Variants in ST6GALNAC3 observed in about 807,000 individuals in gnomAD.
ST6GALNAC3 encodes ST6 N-acetylgalactosaminide alpha-2,6-sialyltransferase 3.
A neutral mutation model predicts 32.7 loss-of-function variants in ST6GALNAC3; 25 were observed. The observed-to-expected ratio is 0.76, with a 90% CI of 0.56 to 1.07. The LOEUF is 1.07. Among genes scored for constraint, ST6GALNAC3 ranks in the 50% least tolerant of loss-of-function variants. The probability of loss-of-function intolerance (pLI) is 0.00; values close to 1 mark genes in which losing one functional copy is unlikely to be tolerated. For synonymous variants in ST6GALNAC3, 129 were observed against 133.1 expected, an observed-to-expected ratio of 0.97 and a Z score of 0.21; for missense variants, 355 against 382.4, an observed-to-expected ratio of 0.93 and a Z score of 0.60.
intron 2 of ST6GALNAC3, among the ~76,000 whole-genome samples, chr1:76,396,323 G>C (rs1157952160): frequency 6.6e-6 from 1 of 152,078 alleles, no homozygotes; most frequent in Admixed American, 6.5e-5. Flanking sequence ...AAATTATCCA[G>C]GCATGGTGGC....
At chr1:76,288,166 T>C (rs572187444) in intron 1 of ST6GALNAC3, among the ~76,000 whole-genome samples, 7 of 152,360 alleles carry the variant, frequency 4.6e-5, no homozygotes, top group Non-Finnish European at 7.3e-5. Context: ...GGTATGACTG[T>C]TGTCTAGAAG....
intron 3 of ST6GALNAC3, among the ~76,000 whole-genome samples, chr1:76,538,935 T>C (rs1344879862): frequency 6.6e-6 from 1 of 152,142 alleles, no homozygotes; most frequent in Non-Finnish European, 1.5e-5. Context: ...AAAAAGGCCA[T>C]ACTGCCCAAA....
At chr1:76,492,564 G>A (rs1440105289) in intron 3 of ST6GALNAC3, among the ~76,000 whole-genome samples, 3 of 152,060 alleles carry the variant, frequency 2.0e-5, no homozygotes, top group African/African-American at 7.2e-5. Context: ...GCCATAGAAA[G>A]TGTCTTGGGA....
At chr1:76,279,662 C>T (rs984572273) in intron 1 of ST6GALNAC3, among the ~76,000 whole-genome samples, 2 of 152,108 alleles carry the variant, frequency 1.3e-5, no homozygotes, top group Non-Finnish European at 2.9e-5. Flanking sequence ...CGGCAGCTGC[C>T]GGAGGCGGAA....
At chr1:76,477,015 C>T (rs1226613823) in intron 3 of ST6GALNAC3, among the ~76,000 whole-genome samples, 3 of 152,140 alleles carry the variant, frequency 2.0e-5, no homozygotes, top group African/African-American at 7.2e-5. Flanking sequence ...CCAGGTTAGT[C>T]TTGTCTCTCT....
chr1:76,462,633 A>C (rs1038333557), intron 3 of ST6GALNAC3, among the ~76,000 whole-genome samples: 3 of 152,200 alleles, frequency 2.0e-5, no homozygotes, highest in Non-Finnish European at 4.4e-5. Context: ...TAGAGGACAT[A>C]TATGTATCAC....
intron 1 of ST6GALNAC3, among the ~76,000 whole-genome samples, chr1:76,200,734 T>C (rs1241002566): frequency 6.6e-6 from 1 of 152,184 alleles, no homozygotes; most frequent in African/African-American, 2.4e-5. Context: ...AACTATTTAA[T>C]AGACTCTTAA....
chr1:76,275,065 G>T (rs1172171742), intron 1 of ST6GALNAC3, among the ~76,000 whole-genome samples: 1 of 152,222 alleles, frequency 6.6e-6, no homozygotes, highest in Admixed American at 6.5e-5. Context: ...TGTTTTCCAA[G>T]ATGTGTTAAG....
At chr1:76,604,377 T>G (rs1647389595) in intron 3 of ST6GALNAC3, among the ~76,000 whole-genome samples, 1 of 152,178 alleles carries the variant, frequency 6.6e-6, no homozygotes, top group Non-Finnish European at 1.5e-5. Context: ...ATCTTGAAAA[T>G]TCAAATATTA....
chr1:76,133,113 T>C (rs1649719796), intron 1 of ST6GALNAC3, among the ~76,000 whole-genome samples: 1 of 152,174 alleles, frequency 6.6e-6, no homozygotes, highest in South Asian at 2.1e-4. Flanking sequence ...AACTACATCT[T>C]TCTGCTGGAG....
At position 76,634,128 on chromosome 1, in the gene ST6GALNAC3, A is replaced by T; in HGVS notation, c.*5322A>T. 1.0e-6 allele frequency: 1 copy of T among 984,578 alleles called. No homozygotes were observed. Among genetic ancestry groups the T allele is most frequent in the Non-Finnish European group, 1.2e-6 (1 of 829,516 alleles). 61.0% of individuals were successfully genotyped at this position (984,578 alleles called of 1,614,324 possible). On this transcript the variant is annotated 3_prime_UTR_variant, in exon 5 of 5. Coordinates refer to ENST00000328299, the MANE Select transcript of ST6GALNAC3 (RefSeq NM_152996.4). ...TAGAAAACCTCTTCTTTCTCCACAG[A>T]TACATCTCTTTTTGTTCACGCCTTG...
intron 1 of ST6GALNAC3, among the ~76,000 whole-genome samples, chr1:76,162,394 A>G (rs113564275): frequency 3.9e-5 from 6 of 152,288 alleles, no homozygotes; most frequent in African/African-American, 1.4e-4. Flanking sequence ...TTTGTTTATG[A>G]GCAGAAGGAA....
chr1:76,474,159 C>A (rs1052125578), intron 3 of ST6GALNAC3, among the ~76,000 whole-genome samples: 1 of 152,100 alleles, frequency 6.6e-6, no homozygotes. Flanking sequence ...CATAGAGCCT[C>A]CCCACAATGC....
chr1:76,337,611 G>A (rs1647608883), intron 2 of ST6GALNAC3, among the ~76,000 whole-genome samples: 1 of 152,052 alleles, frequency 6.6e-6, no homozygotes, highest in African/African-American at 2.4e-5. Context: ...CGATCTCCTG[G>A]GTGCTAGTTA....
intron 3 of ST6GALNAC3, among the ~76,000 whole-genome samples, chr1:76,470,631 C>T (rs1477865925): frequency 1.3e-5 from 2 of 151,994 alleles, no homozygotes; most frequent in Non-Finnish European, 2.9e-5. Context: ...TCATGGTTCC[C>T]CAAATCCAAT....
chr1:76,172,484 C>G (rs1034942178), intron 1 of ST6GALNAC3, among the ~76,000 whole-genome samples: 4 of 152,036 alleles, frequency 2.6e-5, no homozygotes, highest in African/African-American at 9.7e-5. Context: ...GAAGTTCTGG[C>G]CAGAGCAATC....
rs540810174 is a variant in ST6GALNAC3 at position 76,387,966 on chromosome 1, C to T, written c.214-24042C>T. Among the ~76,000 whole-genome samples the T allele has an allele frequency of 9.2e-5, 14 of 152,138 alleles. 1 individual carries two copies. The South Asian group carries it at 2.1e-3, about 23-fold the overall frequency. On this transcript the variant is annotated intron_variant, in intron 2 of 4. Coordinates refer to ENST00000328299, the MANE Select transcript of ST6GALNAC3 (RefSeq NM_152996.4). ...TGCTTTGGGTTTCAAGGTGAGTCTC[C>T]GGTGGACTCTGGAGCAGAAATCCTA...
chr1:76,481,172 G>A (rs2101655852), intron 3 of ST6GALNAC3, among the ~76,000 whole-genome samples: 1 of 152,258 alleles, frequency 6.6e-6, no homozygotes, highest in South Asian at 2.1e-4. Flanking sequence ...CAAAGATGTA[G>A]GATGTGCTAT....
intron 2 of ST6GALNAC3, among the ~76,000 whole-genome samples, chr1:76,326,944 C>A (rs1647085543): frequency 6.8e-6 from 1 of 148,072 alleles, no homozygotes; most frequent in South Asian, 2.2e-4. Context: ...CAATAGTAAA[C>A]AATACTGTAA....
Sources: allele counts gnomAD v4.1 joint callset (sites outside exome capture counted in the v4.1 genomes callset), GRCh38; gene constraint gnomAD v4.1.1; transcripts MANE v1.5; gene names NCBI Gene and HGNC (gene_info 2026-07-23, HGNC 2026-07-21).